Variants in RYR3 observed in about 807,000 individuals in gnomAD.
RYR3 encodes the protein brain ryanodine receptor-calcium release channel.
RYR3 carries 207 observed loss-of-function variants against 584.3 expected under a neutral mutation model. The observed-to-expected ratio is 0.35, with a 90% confidence interval of 0.32 to 0.40. RYR3 has a LOEUF of 0.40. Among genes scored for constraint, RYR3 ranks in the 10% least tolerant of loss-of-function variants. The pLI is 1.00. For synonymous variants in RYR3, 2,416 were observed against 2,248.5 expected (o/e 1.07, Z -2.11); for missense variants, 5,616 against 6,089.2 (o/e 0.92, Z 2.59).
At chr15:33,742,472 G>T (rs368987173) in intron 52 of RYR3, 28 bp downstream of exon 52, 1 of 1,478,784 alleles carries the variant, frequency 6.8e-7, no homozygotes, top group Non-Finnish European at 9.5e-7. Flanking sequence ...ACTGACAATC[G>T]TCAGGAAGGA....
intron 38 of RYR3, among the ~76,000 whole-genome samples, chr15:33,678,987 T>A (rs538846061): frequency 6.6e-6 from 1 of 152,278 alleles, no homozygotes; most frequent in African/African-American, 2.4e-5. Flanking sequence ...CACAGAGAAA[T>A]TTGCATGATG....
chr15:33,380,593 A>G (rs1371978304), intron 1 of RYR3, among the ~76,000 whole-genome samples: 5 of 152,230 alleles, frequency 3.3e-5, no homozygotes, highest in East Asian at 1.9e-4. Context: ...CTTAGTATCA[A>G]TGCCAAGGGA....
chr15:33,313,557 C>G (rs1967656736), intron 1 of RYR3, among the ~76,000 whole-genome samples: 1 of 152,174 alleles, frequency 6.6e-6, no homozygotes. Flanking sequence ...GGATTTTTCT[C>G]TCCTCTGGGT....
At chr15:33,345,875 C>T (rs1486729551) in intron 1 of RYR3, among the ~76,000 whole-genome samples, 6 of 152,124 alleles carry the variant, frequency 3.9e-5, no homozygotes, top group South Asian at 2.1e-4. Context: ...CCCAGTAAAG[C>T]GGTTTGGCAT....
chr15:33,718,819 G>A lies in RYR3; in HGVS notation c.6620-3896G>A, dbSNP rs187787948. ...ATCGAAAAGAAAACAGTAACATGAA[G>A]ACAGTGTTGAAGCCTTTGAAGAAAG... is the stretch of plus-strand genomic sequence containing the variant. On this transcript the variant is annotated intron_variant, in intron 43 of 103. Transcript: ENST00000634891. Among the ~76,000 whole-genome samples, 380 of 152,290 alleles carry A rather than the reference G, an allele frequency of 2.5e-3. 7 individuals are homozygous for A. Among genetic ancestry groups the A allele is most frequent in the Non-Finnish European group, 1.0e-3 (69 of 68,016 alleles).
At chr15:33,548,763 C>T (rs1440814714) in intron 9 of RYR3, among the ~76,000 whole-genome samples, 1 of 152,120 alleles carries the variant, frequency 6.6e-6, no homozygotes, top group African/African-American at 2.4e-5. Flanking sequence ...CTCAGGTGGT[C>T]GGTTAACTTC....
chr15:33,520,548 G>C (rs2053903259), intron 3 of RYR3, among the ~76,000 whole-genome samples: 1 of 147,858 alleles, frequency 6.8e-6, no homozygotes, highest in Non-Finnish European at 1.5e-5. Flanking sequence ...AATAAATTTG[G>C]CAACATCAGA....
At chr15:33,386,012 CT>C (rs1010815262) in intron 1 of RYR3, among the ~76,000 whole-genome samples, 1 of 151,880 alleles carries the variant, frequency 6.6e-6, no homozygotes, top group Non-Finnish European at 1.5e-5. Flanking sequence ...AGCCTCTTTT[CT>C]TTTTTTTAAA....
At chr15:33,365,364 G>T (rs1179912508) in intron 1 of RYR3, among the ~76,000 whole-genome samples, 1 of 152,210 alleles carries the variant, frequency 6.6e-6, no homozygotes, top group African/African-American at 2.4e-5. Context: ...CTCTTTGAAA[G>T]AGTGGAAGGA....
intron 20 of RYR3, among the ~76,000 whole-genome samples, chr15:33,625,275 A>G (rs974989933): frequency 6.6e-6 from 1 of 152,222 alleles, no homozygotes; most frequent in African/African-American, 2.4e-5. Flanking sequence ...TCACTTCCCA[A>G]CAGGCCCTTC....
At chr15:33,781,552 A>T (rs1276391583) in intron 65 of RYR3, among the ~76,000 whole-genome samples, 1 of 152,072 alleles carries the variant, frequency 6.6e-6, no homozygotes, top group African/African-American at 2.4e-5. Context: ...TGTTTTTTTC[A>T]TCTAAAAATG....
At chr15:33,748,392 A>G in intron 54 of RYR3, 76 bp from the exon 55 acceptor site, 1 of 1,545,140 alleles carries the variant, frequency 6.5e-7, no homozygotes, top group East Asian at 2.3e-5. Context: ...CACATTTTTG[A>G]CAGCTGAAGT....
chr15:33,667,516 C>T (rs563179573), intron 36 of RYR3, among the ~76,000 whole-genome samples: 20 of 152,114 alleles, frequency 1.3e-4, no homozygotes, highest in African/African-American at 4.8e-4. Flanking sequence ...CATTTTCATT[C>T]CTTACTACTT....
At chr15:33,488,860 A>G (rs1217005482) in intron 2 of RYR3, among the ~76,000 whole-genome samples, 1 of 152,000 alleles carries the variant, frequency 6.6e-6, no homozygotes, top group Non-Finnish European at 1.5e-5. Flanking sequence ...CAAAAAACAA[A>G]CAAACAAACA....
intron 42 of RYR3, among the ~76,000 whole-genome samples, chr15:33,702,803 C>G (rs1277658114): frequency 6.6e-6 from 1 of 151,808 alleles, no homozygotes; most frequent in East Asian, 1.9e-4. Context: ...GAGGAAAAGG[C>G]ACCAACAAAA....
chr15:33,344,984 C>T (rs1972268911), intron 1 of RYR3, among the ~76,000 whole-genome samples: 1 of 152,194 alleles, frequency 6.6e-6, no homozygotes, highest in African/African-American at 2.4e-5. Flanking sequence ...AGGAAGGAGG[C>T]TTGCACAGAT....
chr15:33,652,685 AGATTCT>A, intron 31 of RYR3, 27 bp from the exon 32 acceptor site: 1 of 1,606,770 alleles, frequency 6.2e-7, no homozygotes, highest in Non-Finnish European at 8.5e-7. Flanking sequence ...GCCCCAGTCC[AGATTCT>A]GTGCCTTTTC....
rs1185840424 is a variant in RYR3, at chr15:33,587,318, G to T, written c.1788+1202G>T. ...ATCAATAGGCACCTGAGCAACACGT[G>T]CTAGGAGCCACGGGCTATGTGCAAA... On this transcript the variant is annotated intron_variant, in intron 16 of 103. Coordinates refer to ENST00000634891, the MANE Select transcript of RYR3 (RefSeq NM_001036.6). Among the ~76,000 whole-genome samples, 6 of 152,162 alleles carry T rather than the reference G, an allele frequency of 3.9e-5. No individual in the cohort carries two copies. The East Asian group carries it at 1.2e-3, about 29-fold the overall frequency.
intron 1 of RYR3, among the ~76,000 whole-genome samples, chr15:33,376,005 A>G (rs1291750958): frequency 6.6e-6 from 1 of 152,196 alleles, no homozygotes; most frequent in Admixed American, 6.5e-5. Flanking sequence ...CGGAGCTTAC[A>G]GTGAGCCGAG....
Sources: allele counts gnomAD v4.1 joint callset (sites outside exome capture counted in the v4.1 genomes callset), GRCh38; gene constraint gnomAD v4.1.1; transcripts MANE v1.5; gene names NCBI Gene and HGNC (gene_info 2026-07-23, HGNC 2026-07-21).